Variants in PLPP4 observed in about 807,000 individuals in gnomAD.
PLPP4 encodes phospholipid phosphatase 4.
In PLPP4, 20 loss-of-function variants were observed where a neutral mutation model predicts 32.2. That is an observed-to-expected ratio of 0.62 (90% CI 0.44 to 0.90). The LOEUF (loss-of-function observed/expected upper bound fraction) is 0.90, where lower values mean the gene tolerates loss of function less well. Among genes scored for constraint, PLPP4 ranks in the 40% least tolerant of loss-of-function variants. PLPP4 has a pLI of 0.00. For missense variants in PLPP4, 257 were observed against 353.1 expected (o/e 0.73, Z 2.18); for synonymous variants, 127 against 133.0 (o/e 0.95, Z 0.31).
intron 1 of PLPP4, among the ~76,000 whole-genome samples, chr10:120,463,237 A>G (rs898717261): frequency 1.3e-5 from 2 of 152,108 alleles, no homozygotes; most frequent in African/African-American, 4.8e-5. Context: ...CATGTTAGCC[A>G]GGATGGTCTC....
At chr10:120,586,764 A>C (rs150881154) in intron 6 of PLPP4, among the ~76,000 whole-genome samples, 288 of 152,334 alleles carry the variant, frequency 1.9e-3, no homozygotes, top group African/African-American at 6.7e-3. Flanking sequence ...CCAGCATTAA[A>C]CATTAAACAA....
At chr10:120,547,899 T>C (rs1847707482) in intron 5 of PLPP4, among the ~76,000 whole-genome samples, 1 of 152,204 alleles carries the variant, frequency 6.6e-6, no homozygotes, top group East Asian at 1.9e-4. Flanking sequence ...TTGAAATGGA[T>C]ATAATAATAG....
At chr10:120,548,410 C>T (rs1269638539) in intron 5 of PLPP4, among the ~76,000 whole-genome samples, 1 of 152,152 alleles carries the variant, frequency 6.6e-6, no homozygotes, top group African/African-American at 2.4e-5. Context: ...GACATGATCT[C>T]ATTCTTTTTC....
intron 5 of PLPP4, among the ~76,000 whole-genome samples, chr10:120,522,846 T>C (rs1006819220): frequency 2.0e-5 from 3 of 152,240 alleles, no homozygotes; most frequent in African/African-American, 7.2e-5. Context: ...CCTTTCGCTA[T>C]GTGTATTTTT....
intron 3 of PLPP4, among the ~76,000 whole-genome samples, chr10:120,515,192 C>T (rs1845887584): frequency 6.6e-6 from 1 of 152,136 alleles, no homozygotes; most frequent in Non-Finnish European, 1.5e-5. Context: ...TAAGCAATCT[C>T]ACAGACATCC....
chr10:120,591,609 C>T lies in PLPP4; in HGVS notation c.*2107C>T, dbSNP rs1407355072. Reference sequence around the variant, plus strand: ...AGAAATGTAGGAAAAAGATCCTTTGCTACTGTTAAAAAAAAAAACCCCATC... The same window carrying T: ...AGAAATGTAGGAAAAAGATCCTTTGTTACTGTTAAAAAAAAAAACCCCATC... On this transcript the variant is annotated 3_prime_UTR_variant, in exon 7 of 7. Coordinates refer to ENST00000398250, the MANE Select transcript of PLPP4 (RefSeq NM_001030059.3). Among the ~76,000 whole-genome samples the T allele has an allele frequency of 7.3e-6, 1 of 136,352 alleles. No homozygotes were observed. Among genetic ancestry groups the T allele is most frequent in the Non-Finnish European group, 1.6e-5 (1 of 62,112 alleles). 89.5% of individuals were successfully genotyped at this position (136,352 alleles called of 152,430 possible). A position where few individuals can be genotyped will look rare whatever the true frequency, so the allele number is the denominator to read the frequency against.
At chr10:120,481,468 C>A (rs1224838200) in intron 1 of PLPP4, among the ~76,000 whole-genome samples, 2 of 152,124 alleles carry the variant, frequency 1.3e-5, no homozygotes, top group Non-Finnish European at 2.9e-5. Context: ...CCATTCACTG[C>A]AAATGTTGAA....
intron 5 of PLPP4, among the ~76,000 whole-genome samples, chr10:120,561,033 T>C (rs1457901912): frequency 6.6e-6 from 1 of 152,172 alleles, no homozygotes; most frequent in Non-Finnish European, 1.5e-5. Flanking sequence ...CTCCAAGTTT[T>C]CATTTGAGTA....
At position 120,514,017 on chromosome 10, in the gene PLPP4, T is replaced by C. The variant is rs753266650; in HGVS notation, c.256+16T>C. 8 of 1,577,608 alleles carry C rather than the reference T, an allele frequency of 5.1e-6. No individual in the cohort carries two copies. In the South Asian group the frequency reaches 8.9e-5, roughly 17 times the overall value. On this transcript the variant is annotated intron_variant, in intron 3 of 6. Transcript: ENST00000398250. Reference sequence around the variant, plus strand: ...GCCTTCTTAGGTAGAGTATTCACAGTTCCTGCTTTAGGGAATGGGGCTGAC... The same window carrying C: ...GCCTTCTTAGGTAGAGTATTCACAGCTCCTGCTTTAGGGAATGGGGCTGAC...
At chr10:120,496,542 A>G (rs1844970500) in intron 1 of PLPP4, among the ~76,000 whole-genome samples, 1 of 152,222 alleles carries the variant, frequency 6.6e-6, no homozygotes, top group South Asian at 2.1e-4. Context: ...AGCAGAGTGC[A>G]GTGGCAAGCT....
rs1847842452 is a variant in PLPP4, at chr10:120,457,504, G to C, written c.56+143G>C. 4.7e-6 allele frequency: 3 copies of C among 634,300 alleles called. No homozygotes were observed. The Admixed American group carries it at 8.2e-5, about 17-fold the overall frequency. 39.3% of individuals were successfully genotyped at this position (634,300 alleles called of 1,614,324 possible). A position where few individuals can be genotyped will look rare whatever the true frequency, so the allele number is the denominator to read the frequency against. ...CCCTTCCCCGCCAAGTGCCCGCAAC[G>C]TGTCCTACGGGACCAAGAGAGACCC... On this transcript the variant is annotated intron_variant, in intron 1 of 6. Coordinates refer to ENST00000398250, the MANE Select transcript of PLPP4 (RefSeq NM_001030059.3).
chr10:120,574,168 A>ACTCT (rs58917160), intron 5 of PLPP4, among the ~76,000 whole-genome samples: 21 of 47,116 alleles, frequency 4.5e-4, no homozygotes, highest in South Asian at 1.9e-3. Context: ...ACACACACAC[A>ACTCT]CTCTCTCTCT....
chr10:120,470,869 C>T (rs1002120051), intron 1 of PLPP4, among the ~76,000 whole-genome samples: 1 of 152,192 alleles, frequency 6.6e-6, no homozygotes, highest in African/African-American at 2.4e-5. Flanking sequence ...AAATCTGCTA[C>T]TTACTGGTTA....
chr10:120,566,192 G>C (rs1382813398), intron 5 of PLPP4, among the ~76,000 whole-genome samples: 1 of 151,860 alleles, frequency 6.6e-6, no homozygotes, highest in African/African-American at 2.4e-5. Context: ...TTTTCTTATA[G>C]GTTCTCATTT....
chr10:120,497,957 G>A (rs928279917), intron 1 of PLPP4, among the ~76,000 whole-genome samples: 20 of 151,988 alleles, frequency 1.3e-4, no homozygotes, highest in African/African-American at 3.6e-4. Context: ...GGAGAATGGC[G>A]TGAACCTGGG....
intron 3 of PLPP4, among the ~76,000 whole-genome samples, chr10:120,517,878 C>G (rs1016259581): frequency 6.6e-6 from 1 of 152,228 alleles, no homozygotes; most frequent in East Asian, 1.9e-4. Context: ...CCCCCATTCA[C>G]TGCTATATTC....
chr10:120,486,969 T>C (rs927653788), intron 1 of PLPP4, among the ~76,000 whole-genome samples: 7 of 152,260 alleles, frequency 4.6e-5, no homozygotes, highest in African/African-American at 1.7e-4. Flanking sequence ...AGGGGTTTGC[T>C]GCCTTCTCCT....
At chr10:120,569,721 C>T (rs1161496405) in intron 5 of PLPP4, among the ~76,000 whole-genome samples, 1 of 152,180 alleles carries the variant, frequency 6.6e-6, no homozygotes, top group Non-Finnish European at 1.5e-5. Flanking sequence ...TGGCCTCTTG[C>T]CAGAATCCTT....
intron 1 of PLPP4, among the ~76,000 whole-genome samples, chr10:120,477,711 G>A (rs532118840): frequency 6.6e-6 from 1 of 152,320 alleles, no homozygotes; most frequent in South Asian, 2.1e-4. Flanking sequence ...CTTGGGAGGA[G>A]GGGCCTTGGC....
Sources: gnomAD v4.1 joint callset for allele counts (sites outside exome capture counted in the v4.1 genomes callset) on GRCh38, gnomAD v4.1.1 for gene constraint, MANE v1.5 for transcripts, NCBI Gene and HGNC (gene_info 2026-07-23, HGNC 2026-07-21) for gene names.